The following FANCC variants were observed in gnomAD, a reference collection of about 807,000 sequenced individuals.
The protein encoded by FANCC is FA complementation group C, also known as Fanconi anemia group C protein.
In FANCC, 55 loss-of-function variants were observed where a neutral mutation model predicts 71.3. The ratio of observed to expected loss-of-function variants is 0.77; its 90% CI spans 0.62 to 0.97. The LOEUF (loss-of-function observed/expected upper bound fraction) is 0.97. FANCC is among the 50% of genes least tolerant of loss of function. The probability of loss-of-function intolerance (pLI) is 0.00; values close to 1 mark genes in which losing one functional copy is unlikely to be tolerated. For synonymous variants in FANCC, 275 were observed against 244.9 expected (o/e 1.12, Z -1.15); for missense variants, 678 against 670.9 (o/e 1.01, Z -0.12).
At chr9:95,137,834 G>A (rs1564681965) in intron 7 of FANCC, among the ~76,000 whole-genome samples, 1 of 152,344 alleles carries the variant, frequency 6.6e-6, no homozygotes, top group East Asian at 1.9e-4. Flanking sequence ...CAGAGCACGA[G>A]AAGATACAAA....
chr9:95,157,307 C>A (rs375238551), intron 6 of FANCC, among the ~76,000 whole-genome samples: 76 of 152,256 alleles, frequency 5.0e-4, no homozygotes, highest in African/African-American at 1.7e-3. Context: ...AGCTTACTTT[C>A]TTTTTGCATT....
intron 1 of FANCC, among the ~76,000 whole-genome samples, chr9:95,310,051 C>CTAA (rs1455511835): frequency 7.8e-4 from 118 of 152,184 alleles, no homozygotes; most frequent in East Asian, 2.9e-3. Context: ...CCTGCTGCAC[C>CTAA]AAGCAAAACC....
intron 4 of FANCC, among the ~76,000 whole-genome samples, chr9:95,173,377 G>A (rs1237578374): frequency 1.3e-5 from 2 of 152,066 alleles, no homozygotes; most frequent in African/African-American, 2.4e-5. Flanking sequence ...AACAAAGACC[G>A]ATTACGGGCT....
intron 1 of FANCC, among the ~76,000 whole-genome samples, chr9:95,263,404 A>G (rs1832174467): frequency 6.6e-6 from 1 of 151,792 alleles, no homozygotes; most frequent in South Asian, 2.1e-4. Context: ...GGTAATTTCA[A>G]ATGTTTTGTT....
intron 7 of FANCC, among the ~76,000 whole-genome samples, chr9:95,149,436 ATAAAAGT>A (rs1829981804): frequency 6.6e-6 from 1 of 152,142 alleles, no homozygotes; most frequent in Non-Finnish European, 1.5e-5. Flanking sequence ...CAAACCTAAA[ATAAAAGT>A]TAAAAATAAA....
At chr9:95,224,554 C>T (rs951769176) in intron 4 of FANCC, among the ~76,000 whole-genome samples, 2 of 151,836 alleles carry the variant, frequency 1.3e-5, no homozygotes, top group African/African-American at 4.8e-5. Flanking sequence ...CACTGTTGTG[C>T]AACAGATCTC....
chr9:95,299,060 G>A (rs1351083687), intron 1 of FANCC, among the ~76,000 whole-genome samples: 1 of 152,156 alleles, frequency 6.6e-6, no homozygotes, highest in African/African-American at 2.4e-5. Flanking sequence ...TTCTATTTAA[G>A]TGTTGACAGA....
Position 95,172,155 on chromosome 9 carries a change from A to G in FANCC, c.346-8T>C, listed in dbSNP as rs747950159. ...TATATGAGATAATACACCCTAAAAA[A>G]CATAAACAGAAAAAGTTAACTTCTT... On this transcript the variant is annotated splice_polypyrimidine_tract_variant and splice_region_variant and intron_variant, in intron 4 of 14. Transcript: ENST00000289081. The G allele has an allele frequency of 1.9e-6, 3 of 1,562,808 alleles. No homozygotes were observed. The Admixed American group carries it at 5.0e-5, about 26-fold the overall frequency.
intron 4 of FANCC, among the ~76,000 whole-genome samples, chr9:95,199,444 A>G (rs1827670369): frequency 1.3e-5 from 2 of 151,834 alleles, no homozygotes; most frequent in Admixed American, 6.6e-5. Flanking sequence ...CTCACCTACT[A>G]AAGCCCGAAT....
chr9:95,150,505 A>G (rs948896497), intron 6 of FANCC, among the ~76,000 whole-genome samples: 1 of 151,930 alleles, frequency 6.6e-6, no homozygotes, highest in Non-Finnish European at 1.5e-5. Context: ...CACCTCCATC[A>G]CTGTCCTCCT....
At chr9:95,180,526 G>A (rs1367308246) in intron 4 of FANCC, among the ~76,000 whole-genome samples, 1 of 151,482 alleles carries the variant, frequency 6.6e-6, no homozygotes, top group African/African-American at 2.4e-5. Flanking sequence ...TTTTTGTAGA[G>A]GTAGGTCTCA....
chr9:95,192,846 G>A (rs1031572329), intron 4 of FANCC, among the ~76,000 whole-genome samples: 5 of 152,110 alleles, frequency 3.3e-5, no homozygotes, highest in Non-Finnish European at 7.4e-5. Flanking sequence ...TTCATCCAAA[G>A]GTTACATGTA....
intron 1 of FANCC, among the ~76,000 whole-genome samples, chr9:95,291,698 AG>A: frequency 6.6e-6 from 1 of 152,172 alleles, no homozygotes; most frequent in East Asian, 1.9e-4. Context: ...CTGTAATCCC[AG>A]CACTTTGGGA....
intron 4 of FANCC, among the ~76,000 whole-genome samples, chr9:95,237,919 ATCT>A (rs1283396922): frequency 6.6e-6 from 1 of 152,236 alleles, no homozygotes; most frequent in Non-Finnish European, 1.5e-5. Flanking sequence ...TAGGTGAAAT[ATCT>A]TCTTAAAATT....
chr9:95,210,773 G>A (rs543517737), intron 4 of FANCC, among the ~76,000 whole-genome samples: 6 of 152,172 alleles, frequency 3.9e-5, no homozygotes, highest in Middle Eastern at 6.8e-3. Context: ...TGATCTAGAT[G>A]CCCAACAATT....
At chr9:95,180,753 ATATAAT>A (rs1038964615) in intron 4 of FANCC, among the ~76,000 whole-genome samples, 3 of 152,150 alleles carry the variant, frequency 2.0e-5, no homozygotes, top group Admixed American at 2.0e-4. Flanking sequence ...TATGTACTAT[ATATAAT>A]TATATGTGTT....
intron 1 of FANCC, among the ~76,000 whole-genome samples, chr9:95,303,603 C>T (rs1399107469): frequency 6.6e-6 from 1 of 152,202 alleles, no homozygotes; most frequent in African/African-American, 2.4e-5. Flanking sequence ...GAGCCCTCTT[C>T]CTGGCTTGTA....
chr9:95,213,301 T>C (rs1260008125), intron 4 of FANCC, among the ~76,000 whole-genome samples: 2 of 151,882 alleles, frequency 1.3e-5, no homozygotes, highest in Admixed American at 6.6e-5. Context: ...AAAGTAGAGA[T>C]GAAAGGAAAC....
At chr9:95,254,744 A>C (rs1238609113) in intron 1 of FANCC, among the ~76,000 whole-genome samples, 1 of 152,100 alleles carries the variant, frequency 6.6e-6, no homozygotes, top group Non-Finnish European at 1.5e-5. Context: ...CACTCCCTTC[A>C]AAAGGGGGCT....
Sources: gnomAD v4.1 joint callset for allele counts (sites outside exome capture counted in the v4.1 genomes callset) on GRCh38, gnomAD v4.1.1 for gene constraint, MANE v1.5 for transcripts, NCBI Gene and HGNC (gene_info 2026-07-23, HGNC 2026-07-21) for gene names.